TDRD7: variants seen among roughly 807,000 people sequenced by gnomAD.
TDRD7 encodes tudor domain-containing protein 7.
Under a neutral mutation model 109.8 loss-of-function variants are expected in TDRD7, and 47 were observed. That is an observed-to-expected ratio of 0.43 (90% CI 0.34 to 0.55). The LOEUF is 0.55. Among genes scored for constraint, TDRD7 ranks in the 20% least tolerant of loss-of-function variants. The pLI is 0.03. For synonymous variants in TDRD7, 424 were observed against 457.3 expected (o/e 0.93, Z 0.93); for missense variants, 1,164 against 1,319.2 (o/e 0.88, Z 1.82).
rs1366448203 is a variant in TDRD7, at chr9:97,460,190, T to C, written c.868T>C (p.Cys290Arg). The change falls in exon 7 of 17, where the codon TGC (cysteine) becomes CGC (arginine). Residue 290 changes from cysteine (C) to arginine (R), a missense_variant. By Grantham distance (180) the Cys-to-Arg change is radical (BLOSUM62 -3). Coordinates refer to ENST00000355295, the MANE Select transcript of TDRD7 (RefSeq NM_014290.3). ...TTAAAAATTTCAGGTGGAGAAACCT[T>C]GCAGTGGTGGCCAAGATTTACTTCT... ...WPHICTVEKP[C>R]SGGQDLLLYP... 1 of 1,614,210 alleles carries C rather than the reference T, an allele frequency of 6.2e-7. No homozygotes were observed. Among genetic ancestry groups the C allele is most frequent in the Admixed American group, 1.7e-5 (1 of 60,024 alleles).
At chr9:97,454,076 A>G (rs185243984) in intron 6 of TDRD7, among the ~76,000 whole-genome samples, 74 of 152,330 alleles carry the variant, frequency 4.9e-4, no homozygotes, top group Admixed American at 4.5e-3. Flanking sequence ...TCTCTACCCC[A>G]AATCAACAGA....
Position 97,412,860 on chromosome 9 carries a change from A to G in TDRD7, c.-7+622A>G, listed in dbSNP as rs768416566. Reference sequence around the variant, plus strand: ...GGATCCGTGAGTAAGTTGTCTCTCAACTTTCAGTAGCATCCCCTCAGCAGG... The same window carrying G: ...GGATCCGTGAGTAAGTTGTCTCTCAGCTTTCAGTAGCATCCCCTCAGCAGG... On this transcript the variant is annotated intron_variant, in intron 1 of 16. Coordinates refer to ENST00000355295, the MANE Select transcript of TDRD7 (RefSeq NM_014290.3). The surrounding 1 kb of genome is among the most constrained non-coding windows in gnomAD (Gnocchi z 4.3). Among the ~76,000 whole-genome samples the G allele has an allele frequency of 2.1e-4, 32 of 152,166 alleles. 1 individual carries two copies. Among genetic ancestry groups the G allele is most frequent in the African/African-American group, 5.6e-4 (23 of 41,436 alleles).
chr9:97,486,250 T>C (rs1373808473), intron 15 of TDRD7, among the ~76,000 whole-genome samples: 1 of 152,224 alleles, frequency 6.6e-6, no homozygotes, highest in African/African-American at 2.4e-5. Context: ...TTTCAGCTGT[T>C]AGGAACAATC....
intron 1 of TDRD7, among the ~76,000 whole-genome samples, chr9:97,422,494 T>G (rs1334396626): frequency 1.3e-5 from 2 of 152,262 alleles, no homozygotes; most frequent in East Asian, 3.8e-4. Context: ...ATTATACTAT[T>G]TTGACTAATA....
chr9:97,423,390 T>A (rs1253668786), intron 1 of TDRD7, among the ~76,000 whole-genome samples: 1 of 150,748 alleles, frequency 6.6e-6, no homozygotes, highest in East Asian at 2.0e-4. Context: ...TATGGTAATT[T>A]GTGCCTTCTT....
chr9:97,466,572 C>G (rs1828825273), intron 8 of TDRD7, among the ~76,000 whole-genome samples: 1 of 152,158 alleles, frequency 6.6e-6, no homozygotes, highest in Non-Finnish European at 1.5e-5. Flanking sequence ...ATCATAAAAA[C>G]AAATTATAGT....
chr9:97,419,870 C>A (rs1350540116), intron 1 of TDRD7, among the ~76,000 whole-genome samples: 1 of 152,138 alleles, frequency 6.6e-6, no homozygotes, highest in African/African-American at 2.4e-5. Flanking sequence ...TGGCATCAAA[C>A]AGACCTGGAT....
Position 97,439,244 on chromosome 9 carries a change from G to C in TDRD7, c.564-1G>C. ...TACTTTTTTTTTTTTTAATATCTTA[G>C]GTTTAGCCCAAAGGCGTCCCTTCAA... On this transcript the variant is annotated splice_acceptor_variant, in intron 4 of 16. Transcript: ENST00000355295. LOFTEE classifies it high-confidence loss of function. 1 of 1,589,850 alleles carries C rather than the reference G, an allele frequency of 6.3e-7. No homozygotes were observed. Among genetic ancestry groups the C allele is most frequent in the Non-Finnish European group, 8.5e-7 (1 of 1,174,222 alleles).
At chr9:97,482,358 G>A (rs1396422588) in intron 14 of TDRD7, among the ~76,000 whole-genome samples, 1 of 152,168 alleles carries the variant, frequency 6.6e-6, no homozygotes, top group Non-Finnish European at 1.5e-5. Flanking sequence ...TATGGTGGTT[G>A]TCAGAGCTTT....
chr9:97,433,987 C>T (rs1401159321), intron 4 of TDRD7, among the ~76,000 whole-genome samples: 1 of 152,136 alleles, frequency 6.6e-6, no homozygotes, highest in Admixed American at 6.6e-5. Context: ...AAAGAACTGT[C>T]AGCAATCCCA....
intron 6 of TDRD7, among the ~76,000 whole-genome samples, chr9:97,451,325 TG>T: frequency 6.6e-6 from 1 of 152,320 alleles, no homozygotes; most frequent in Middle Eastern, 3.4e-3. Context: ...GGTTTTGCTC[TG>T]TCCCTTAGGC....
chr9:97,436,907 C>T (rs1056694495), intron 4 of TDRD7, among the ~76,000 whole-genome samples: 7 of 152,104 alleles, frequency 4.6e-5, no homozygotes, highest in African/African-American at 1.7e-4. Context: ...TAATTGATTA[C>T]CTCCCTATTC....
chr9:97,492,408 C>T (rs1829323166), intron 16 of TDRD7, among the ~76,000 whole-genome samples: 2 of 152,220 alleles, frequency 1.3e-5, no homozygotes, highest in African/African-American at 4.8e-5. Flanking sequence ...CACTCTGCCT[C>T]TTCAGTGTGT....
intron 15 of TDRD7, among the ~76,000 whole-genome samples, chr9:97,485,190 G>T (rs181808222): frequency 1.3e-5 from 2 of 152,054 alleles, no homozygotes; most frequent in South Asian, 2.1e-4. Context: ...TTATTACAGC[G>T]GTTTCCAAAT....
intron 4 of TDRD7, among the ~76,000 whole-genome samples, chr9:97,438,462 T>C (rs1828241290): frequency 6.6e-6 from 1 of 152,200 alleles, no homozygotes; most frequent in South Asian, 2.1e-4. Context: ...TCATGATTCA[T>C]TCAGTCATTC....
At chr9:97,456,356 C>CA (rs1828609686) in intron 6 of TDRD7, among the ~76,000 whole-genome samples, 1 of 152,122 alleles carries the variant, frequency 6.6e-6, no homozygotes, top group Non-Finnish European at 1.5e-5. Flanking sequence ...AAGAAGACCC[C>CA]TTATAGCCAA....
chr9:97,464,445 C>T (rs999366043), intron 7 of TDRD7, among the ~76,000 whole-genome samples: 1 of 152,138 alleles, frequency 6.6e-6, no homozygotes, highest in Non-Finnish European at 1.5e-5. Flanking sequence ...GCAACTTCCA[C>T]CTCCTGGGTT....
chr9:97,436,217 T>C (rs1828194260), intron 4 of TDRD7, among the ~76,000 whole-genome samples: 1 of 152,210 alleles, frequency 6.6e-6, no homozygotes, highest in African/African-American at 2.4e-5. Context: ...TTTGTTTTCT[T>C]CTAGAAGAAT....
In TDRD7 at chr9:97,482,846, A is replaced by G. The variant is rs748676823; in HGVS notation, c.2413-3A>G. On this transcript the variant is annotated splice_polypyrimidine_tract_variant and splice_region_variant and intron_variant, in intron 14 of 16. Transcript: ENST00000355295. ...CTTATATCATTTTTTGTGTTTTCCA[A>G]AGGTTACAAAAGTGGATGAAACCAG... The G allele has an allele frequency of 1.9e-6, 3 of 1,613,456 alleles. No individual in the cohort carries two copies. Among genetic ancestry groups the G allele is most frequent in the African/African-American group, 1.3e-5 (1 of 74,898 alleles).
Sources: allele counts gnomAD v4.1 joint callset (sites outside exome capture counted in the v4.1 genomes callset), GRCh38; gene constraint gnomAD v4.1.1; non-coding constraint Gnocchi (gnomAD v3.1); transcripts MANE v1.5; gene names NCBI Gene and HGNC (gene_info 2026-07-23, HGNC 2026-07-21).